Variants in PCNX2 observed in about 807,000 individuals in gnomAD.
PCNX2 encodes pecanex-like protein 2.
A neutral mutation model predicts 223.8 loss-of-function variants in PCNX2; 168 were observed. The observed-to-expected ratio is 0.75, with a 90% confidence interval of 0.66 to 0.85. The LOEUF (loss-of-function observed/expected upper bound fraction) is 0.85. PCNX2 is among the 40% of genes least tolerant of loss of function. The pLI, the probability that PCNX2 is intolerant of heterozygous loss-of-function variation, is 0.00. For synonymous variants in PCNX2, 1,006 were observed against 1,052.6 expected (o/e 0.96, Z 0.86); for missense variants, 2,507 against 2,675.5 (o/e 0.94, Z 1.39).
At chr1:233,251,887 G>T (rs550949299) in intron 7 of PCNX2, among the ~76,000 whole-genome samples, 4 of 152,310 alleles carry the variant, frequency 2.6e-5, no homozygotes, top group African/African-American at 4.8e-5. Flanking sequence ...TTATAACAAG[G>T]TGCTGAAAAA....
chr1:233,145,418 C>G (rs745993950), intron 19 of PCNX2, among the ~76,000 whole-genome samples: 8 of 152,030 alleles, frequency 5.3e-5, no homozygotes, highest in Admixed American at 1.3e-4. Flanking sequence ...TCATTTTTTT[C>G]CATGTTAATA....
intron 26 of PCNX2, chr1:233,019,023 C>T (rs1476209124): frequency 3.0e-6 from 3 of 985,396 alleles, no homozygotes; most frequent in Non-Finnish European, 3.6e-6. Flanking sequence ...TCTTCCCTCC[C>T]TCTGTCTGGG....
chr1:232,997,585 C>A (rs1193992590), intron 32 of PCNX2, among the ~76,000 whole-genome samples: 7 of 152,354 alleles, frequency 4.6e-5, no homozygotes, highest in Admixed American at 4.6e-4. Context: ...GACACTCATC[C>A]TCTGGATCTC....
rs1368099536 is a variant in PCNX2, at chr1:232,986,464, A to G, written c.5868T>C (p.Ser1956=). The change falls in exon 33 of 34, where the codon TCT becomes TCC. Residue 1956 remains serine, a synonymous_variant. Coordinates refer to ENST00000258229, the MANE Select transcript of PCNX2 (RefSeq NM_014801.4). The stretch of plus-strand genomic sequence containing the variant: ...TTTGGCGGCTCTCTAAGATGGGGCC[A>G]GATGAGCTCAGCATGGGCGGCCTTT... The part of the protein sequence containing the change: ...LSQRPPMLSS[S]GPILESRQTF... The G allele has an allele frequency of 3.1e-6, 5 of 1,604,224 alleles. No homozygotes were observed. Among genetic ancestry groups the G allele is most frequent in the Non-Finnish European group, 4.3e-6 (5 of 1,174,746 alleles).
At chr1:233,117,817 C>T (rs886883703) in intron 21 of PCNX2, among the ~76,000 whole-genome samples, 8 of 151,060 alleles carry the variant, frequency 5.3e-5, no homozygotes, top group South Asian at 2.1e-4. Flanking sequence ...GAGACCATCC[C>T]GGCTAAAACG....
intron 17 of PCNX2, among the ~76,000 whole-genome samples, chr1:233,174,862 T>C (rs1340130239): frequency 6.6e-6 from 1 of 152,228 alleles, no homozygotes; most frequent in Admixed American, 6.5e-5. Flanking sequence ...GCATAACTTA[T>C]CTTGCTCATA....
intron 14 of PCNX2, among the ~76,000 whole-genome samples, chr1:233,199,849 C>A (rs1036179916): frequency 5.9e-5 from 9 of 152,250 alleles, no homozygotes; most frequent in Middle Eastern, 3.4e-3. Flanking sequence ...TGCTCACACA[C>A]ATTCACACAC....
intron 10 of PCNX2, among the ~76,000 whole-genome samples, chr1:233,224,832 A>G (rs938646103): frequency 6.6e-6 from 1 of 152,272 alleles, no homozygotes; most frequent in South Asian, 2.1e-4. Flanking sequence ...CCTCATTCTC[A>G]GCAAACTAAC....
intron 13 of PCNX2, 72 bp from the exon 14 acceptor site, chr1:233,200,336 T>A: frequency 9.7e-7 from 1 of 1,030,118 alleles, no homozygotes; most frequent in Non-Finnish European, 1.4e-6. Flanking sequence ...TGCAGTGCTG[T>A]CTCTCTCCCC....
chr1:233,237,123 T>G, intron 8 of PCNX2, 143 bp from the exon 9 acceptor site: 1 of 1,069,304 alleles, frequency 9.4e-7, no homozygotes, highest in Non-Finnish European at 1.3e-6. Context: ...AGTTAAGAGT[T>G]TAAAATTATG....
At chr1:232,984,505 A>G (rs778603754) in intron 33 of PCNX2, 28 bp from the exon 34 acceptor site, 2 of 1,604,640 alleles carry the variant, frequency 1.2e-6, no homozygotes, top group Admixed American at 3.4e-5. Flanking sequence ...GAAACAGTGA[A>G]CAGCTCAGCA....
Position 232,986,283 on chromosome 1 carries a change from T to G in PCNX2, c.6049A>C (p.Ile2017Leu). The change falls in exon 33 of 34, where the codon ATC becomes CTC. Residue 2017 changes from isoleucine (I) to leucine (L), a missense_variant. By Grantham distance (5) the Ile-to-Leu change is conservative. Around this residue, in one of 3 missense-constraint regions of PCNX2, gnomAD observed 1,372 missense variants for 1,509.4 expected, o/e 0.91. Transcript: ENST00000258229. ...LSVRERAEAL[I>L]RSSLGSSTSS... Reference sequence around the variant, plus strand: ...GTGGAGGAGCCCAGGCTGGACCTGATGAGCGCCTCGGCCCGCTCACGGACA... The same window carrying G: ...GTGGAGGAGCCCAGGCTGGACCTGAGGAGCGCCTCGGCCCGCTCACGGACA... 1 of 1,563,530 alleles carries G rather than the reference T, an allele frequency of 6.4e-7. No homozygotes were observed. The highest frequency in any genetic ancestry group is 8.7e-7 in the Non-Finnish European group (1 of 1,154,478).
intron 1 of PCNX2, among the ~76,000 whole-genome samples, chr1:233,294,512 A>G (rs1234573449): frequency 1.3e-5 from 2 of 152,232 alleles, no homozygotes; most frequent in Admixed American, 6.5e-5. Context: ...TGCTGTAAAA[A>G]AAATGATCAA....
At chr1:233,088,990 T>G (rs1673739919) in intron 23 of PCNX2, among the ~76,000 whole-genome samples, 1 of 152,194 alleles carries the variant, frequency 6.6e-6, no homozygotes, top group African/African-American at 2.4e-5. Flanking sequence ...TTATCAGTGT[T>G]AAGTGGGAGA....
At chr1:233,087,045 T>G (rs943831954) in intron 23 of PCNX2, 1 of 985,142 alleles carries the variant, frequency 1.0e-6, no homozygotes, top group Non-Finnish European at 1.2e-6. Context: ...AGGCACAGAA[T>G]CAGGGAACAG....
At chr1:233,025,038 A>G (rs1237814998) in intron 26 of PCNX2, 108 bp downstream of exon 26, 7 of 1,439,046 alleles carry the variant, frequency 4.9e-6, no homozygotes, top group Non-Finnish European at 6.6e-6. Flanking sequence ...TCCAATTCGG[A>G]AGCTGAGGAT....
rs1669880337 is a variant in PCNX2 at position 232,996,529 on chromosome 1, G to A, written c.5791+1722C>T. Among the ~76,000 whole-genome samples the A allele has an allele frequency of 2.0e-5, 3 of 152,252 alleles. No homozygotes were observed. In the South Asian group the frequency reaches 6.2e-4, roughly 32 times the overall value. ...AAACAGCATGGGGTGGGTGGGGCAGGGGGAGATCTTTTTTCCTTTCTTTTG... is the reference window on the plus strand; with the variant it reads ...AAACAGCATGGGGTGGGTGGGGCAGAGGGAGATCTTTTTTCCTTTCTTTTG... On this transcript the variant is annotated intron_variant, in intron 32 of 33. Transcript: ENST00000258229.
At chr1:233,122,103 C>G (rs2102737872) in intron 21 of PCNX2, among the ~76,000 whole-genome samples, 1 of 147,252 alleles carries the variant, frequency 6.8e-6, no homozygotes, top group South Asian at 2.1e-4. Flanking sequence ...CACACACACA[C>G]ACACAGAGGG....
intron 24 of PCNX2, among the ~76,000 whole-genome samples, chr1:233,055,244 G>T (rs923091415): frequency 6.6e-5 from 10 of 152,176 alleles, no homozygotes; most frequent in Non-Finnish European, 1.3e-4. Flanking sequence ...CCCCAGCAGT[G>T]ATTGAGAGCT....
Sources: gnomAD v4.1 joint callset for allele counts (sites outside exome capture counted in the v4.1 genomes callset) on GRCh38, gnomAD v4.1.1 for gene constraint, gnomAD v4.1.1 regional missense constraint, MANE v1.5 for transcripts, NCBI Gene and HGNC (gene_info 2026-07-23, HGNC 2026-07-21) for gene names.